RBPJ: variants seen among roughly 807,000 people sequenced by gnomAD.
The protein encoded by RBPJ is recombination signal binding protein for immunoglobulin kappa J region.
A neutral mutation model predicts 67.8 loss-of-function variants in RBPJ; 9 were observed. The observed-to-expected ratio is 0.13, with a 90% CI of 0.08 to 0.23. RBPJ has a LOEUF of 0.23. Among genes scored for constraint, RBPJ ranks in the 10% least tolerant of loss-of-function variants. RBPJ has a pLI of 1.00. For missense variants in RBPJ, 305 were observed against 595.6 expected (o/e 0.51, Z 5.08); for synonymous variants, 198 against 203.3 (o/e 0.97, Z 0.22).
intron 2 of RBPJ, among the ~76,000 whole-genome samples, chr4:26,395,768 C>T (rs879654726): frequency 9.2e-5 from 14 of 152,202 alleles, no homozygotes; most frequent in South Asian, 8.3e-4. Context: ...GCTTCACAAA[C>T]GGACTAAGAC....
At chr4:26,355,485 CAAAA>C (rs33950714) in intron 1 of RBPJ, among the ~76,000 whole-genome samples, 5 of 131,754 alleles carry the variant, frequency 3.8e-5, no homozygotes, top group Non-Finnish European at 1.6e-5. Context: ...TCATCTCTAC[CAAAA>C]AAAAAAAAAA....
chr4:26,309,012 TATTATCCACA>T, intron 1 of RBPJ, among the ~76,000 whole-genome samples: 1 of 152,162 alleles, frequency 6.6e-6, no homozygotes, highest in East Asian at 1.9e-4. Context: ...TCTTTCAATT[TATTATCCACA>T]TAATTATCTA....
intron 1 of RBPJ, among the ~76,000 whole-genome samples, chr4:26,365,734 T>C (rs1221265646): frequency 6.6e-6 from 1 of 152,250 alleles, no homozygotes; most frequent in Non-Finnish European, 1.5e-5. Flanking sequence ...TTCAGTATGC[T>C]TTCTAATGGT....
chr4:26,272,931 A>G (rs1720962009), intron 1 of RBPJ, among the ~76,000 whole-genome samples: 2 of 152,168 alleles, frequency 1.3e-5, no homozygotes, highest in Non-Finnish European at 2.9e-5. Context: ...GCCTAAGGTG[A>G]ATGTTTACAT....
At chr4:26,200,060 G>A (rs984957916) in intron 1 of RBPJ, among the ~76,000 whole-genome samples, 2 of 152,124 alleles carry the variant, frequency 1.3e-5, no homozygotes, top group Non-Finnish European at 2.9e-5. Flanking sequence ...TCATTCTCAC[G>A]TTCACCTCTG....
At chr4:26,337,188 C>T (rs1724936651) in intron 1 of RBPJ, among the ~76,000 whole-genome samples, 1 of 146,932 alleles carries the variant, frequency 6.8e-6, no homozygotes, top group South Asian at 2.1e-4. Flanking sequence ...CCAGGATGGT[C>T]TTGAACTCCT....
chr4:26,134,250 T>G, the RBPJ span, among the ~76,000 whole-genome samples: 6 of 152,170 alleles, frequency 3.9e-5, no homozygotes, highest in Non-Finnish European at 8.8e-5. Flanking sequence ...CCAAACGCCT[T>G]TTCACAACTT....
intron 1 of RBPJ, among the ~76,000 whole-genome samples, chr4:26,165,466 G>C (rs1242177353): frequency 6.6e-6 from 1 of 152,116 alleles, no homozygotes; most frequent in South Asian, 2.1e-4. Context: ...GAATTATGCA[G>C]ATACAAAATA....
At chr4:26,269,626 C>T (rs972659517) in intron 1 of RBPJ, among the ~76,000 whole-genome samples, 2 of 152,136 alleles carry the variant, frequency 1.3e-5, no homozygotes, top group African/African-American at 2.4e-5. Context: ...CCTCCCCCAC[C>T]GGACTTCACC....
chr4:26,397,800 A>AT (rs1173473649), intron 2 of RBPJ, among the ~76,000 whole-genome samples: 3 of 151,932 alleles, frequency 2.0e-5, no homozygotes, highest in African/African-American at 7.3e-5. Context: ...TGCCCAGCTA[A>AT]TTTTTTGTAT....
Position 26,373,450 on chromosome 4 carries a change from A to AAAGGAAAGATG in RBPJ, c.21-12902_21-12892dup, listed in dbSNP as rs570212703. 2.7e-3 allele frequency among the ~76,000 whole-genome samples: 406 copies of AAAGGAAAGATG among 152,326 alleles called. 2 individuals carry two copies. The highest frequency in any genetic ancestry group is 0.011 in the Admixed American group (164 of 15,308). On this transcript the variant is annotated intron_variant, in intron 1 of 10. Coordinates refer to ENST00000355476, the MANE Select transcript of RBPJ (RefSeq NM_015874.6). The stretch of plus-strand genomic sequence containing the variant: ...TAAATGCTCTGGTCTCTGTTATTGA[A>AAAGGAAAGATG]AAGGAAAGATGCACTGCTGGATTCA...
chr4:26,207,387 T>A (rs1365310691), intron 1 of RBPJ, among the ~76,000 whole-genome samples: 2 of 152,132 alleles, frequency 1.3e-5, no homozygotes, highest in Non-Finnish European at 2.9e-5. Context: ...CACCTTCTTC[T>A]CCACGTCAGT....
At position 26,253,416 on chromosome 4, in the gene RBPJ, A is replaced by G. The variant is rs971615896; in HGVS notation, c.-167+89802A>G. 6.5e-5 allele frequency among the ~76,000 whole-genome samples: 9 copies of G among 138,844 alleles called. No homozygotes were observed. The South Asian group carries it at 1.7e-3, about 27-fold the overall frequency. 91.1% of individuals were successfully genotyped at this position (138,844 alleles called of 152,430 possible). Reference sequence around the variant, plus strand: ...AAGCTCCGCCTTCCGGGTTCACGCCATTCTCCTAGCTCAGCCTCCCGAGTA... The same window carrying G: ...AAGCTCCGCCTTCCGGGTTCACGCCGTTCTCCTAGCTCAGCCTCCCGAGTA... On this transcript the variant is annotated intron_variant, in intron 1 of 4. Coordinates refer to the RBPJ transcript ENST00000512351.
chr4:26,230,638 TTG>T (rs977412471), intron 1 of RBPJ, among the ~76,000 whole-genome samples: 3 of 152,240 alleles, frequency 2.0e-5, no homozygotes, highest in African/African-American at 7.2e-5. Context: ...ACATAGTTGC[TTG>T]TGTTATATAG....
At chr4:26,154,229 C>T in the RBPJ span, among the ~76,000 whole-genome samples, 3 of 152,202 alleles carry the variant, frequency 2.0e-5, no homozygotes, top group Non-Finnish European at 2.9e-5. Flanking sequence ...TGAGTTCAAG[C>T]TCTGGCTCTG....
At chr4:26,414,080 A>G (rs912936715) in intron 3 of RBPJ, among the ~76,000 whole-genome samples, 10 of 152,170 alleles carry the variant, frequency 6.6e-5, no homozygotes, top group African/African-American at 2.2e-4. Context: ...TTCTGTACTA[A>G]TAACAGTACA....
At chr4:26,396,638 G>A (rs986775925) in intron 2 of RBPJ, among the ~76,000 whole-genome samples, 2 of 152,212 alleles carry the variant, frequency 1.3e-5, no homozygotes, top group African/African-American at 2.4e-5. Flanking sequence ...TCAATGTAAC[G>A]GCCTATGCCT....
chr4:26,203,306 T>A (rs913608910), intron 1 of RBPJ, among the ~76,000 whole-genome samples: 11 of 152,222 alleles, frequency 7.2e-5, no homozygotes, highest in African/African-American at 2.4e-4. Context: ...GCTCTCTCTT[T>A]CCGGAACAGT....
intron 1 of RBPJ, among the ~76,000 whole-genome samples, chr4:26,338,244 C>T (rs1725105282): frequency 1.3e-5 from 2 of 150,594 alleles, no homozygotes; most frequent in South Asian, 4.2e-4. Flanking sequence ...CAACCTCTGC[C>T]TCCCGGATTC....
Sources: gnomAD v4.1 joint callset for allele counts (sites outside exome capture counted in the v4.1 genomes callset) on GRCh38, gnomAD v4.1.1 for gene constraint, MANE v1.5 for transcripts, NCBI Gene and HGNC (gene_info 2026-07-23, HGNC 2026-07-21) for gene names.